FANCC: variants seen among roughly 807,000 people sequenced by gnomAD.
FANCC encodes FA complementation group C.
Under a neutral mutation model 71.3 loss-of-function variants are expected in FANCC, and 55 were observed. The ratio of observed to expected loss-of-function variants is 0.77; its 90% CI spans 0.62 to 0.97. The LOEUF is 0.97. Among genes scored for constraint, FANCC ranks in the 50% least tolerant of loss-of-function variants. FANCC has a pLI of 0.00. For synonymous variants in FANCC, 275 were observed against 244.9 expected (o/e 1.12, Z -1.15); for missense variants, 678 against 670.9 (o/e 1.01, Z -0.12).
chr9:95,177,305 CT>C (rs1195935873), intron 4 of FANCC, among the ~76,000 whole-genome samples: 1 of 152,104 alleles, frequency 6.6e-6, no homozygotes, highest in Non-Finnish European at 1.5e-5. Flanking sequence ...TGGTATAACA[CT>C]GAAAAAATGG....
intron 6 of FANCC, among the ~76,000 whole-genome samples, chr9:95,155,949 C>T (rs993339698): frequency 2.0e-5 from 3 of 146,960 alleles, no homozygotes; most frequent in Non-Finnish European, 3.0e-5. Flanking sequence ...TGGTCTCAAA[C>T]TCCTGGGTTC....
intron 4 of FANCC, among the ~76,000 whole-genome samples, chr9:95,238,849 C>T (rs929904286): frequency 5.9e-5 from 9 of 152,122 alleles, no homozygotes; most frequent in South Asian, 2.1e-4. Context: ...TGAGCCACCG[C>T]GCCCAGGCAT....
chr9:95,279,731 T>C (rs1226169038), intron 1 of FANCC, among the ~76,000 whole-genome samples: 2 of 152,064 alleles, frequency 1.3e-5, no homozygotes, highest in South Asian at 2.1e-4. Flanking sequence ...GTGGATCACT[T>C]GAGGTCAAGA....
At chr9:95,117,691 C>T (rs1360667086) in intron 10 of FANCC, among the ~76,000 whole-genome samples, 1 of 151,028 alleles carries the variant, frequency 6.6e-6, no homozygotes, top group Non-Finnish European at 1.5e-5. Flanking sequence ...AAAGACTTGC[C>T]AAAGCCGTTG....
chr9:95,110,393 T>C (rs1205389203), intron 13 of FANCC: 4 of 1,024,038 alleles, frequency 3.9e-6, no homozygotes, highest in Non-Finnish European at 4.7e-6. Flanking sequence ...CCGTACATCT[T>C]ATTACTGTTA....
chr9:95,161,640 C>T (rs1391619562), intron 6 of FANCC, among the ~76,000 whole-genome samples: 2 of 152,260 alleles, frequency 1.3e-5, no homozygotes, highest in Non-Finnish European at 1.5e-5. Context: ...GTGAAAAACA[C>T]ATTAACATAC....
intron 4 of FANCC, among the ~76,000 whole-genome samples, chr9:95,195,272 T>C (rs571467290): frequency 6.9e-6 from 1 of 144,682 alleles, no homozygotes; most frequent in Non-Finnish European, 1.5e-5. Flanking sequence ...AAAAGTTTTA[T>C]AGTTTTACAT....
chr9:95,169,532 T>G (rs1461507435), intron 6 of FANCC, among the ~76,000 whole-genome samples: 1 of 152,230 alleles, frequency 6.6e-6, no homozygotes, highest in Admixed American at 6.5e-5. Flanking sequence ...GAATGTTGGA[T>G]GCACATTCCA....
intron 4 of FANCC, among the ~76,000 whole-genome samples, chr9:95,217,664 TAAAG>T (rs71366280): frequency 0.18 from 27,285 of 151,752 alleles, 2,876 homozygotes; most frequent in East Asian, 0.35. Context: ...ATGGTGTAAA[TAAAG>T]AAAGGTCTCT....
chr9:95,148,099 TCAC>T (rs1829804952), intron 7 of FANCC, among the ~76,000 whole-genome samples: 1 of 152,172 alleles, frequency 6.6e-6, no homozygotes, highest in Non-Finnish European at 1.5e-5. Context: ...ACGCTACTCT[TCAC>T]CACCACACAC....
intron 9 of FANCC, among the ~76,000 whole-genome samples, chr9:95,126,019 T>C (rs1355105474): frequency 6.6e-6 from 1 of 152,250 alleles, no homozygotes; most frequent in Non-Finnish European, 1.5e-5. Flanking sequence ...GTAAATCTAA[T>C]GCATTTCCCA....
chr9:95,145,936 A>C (rs1418305526), intron 7 of FANCC, among the ~76,000 whole-genome samples: 1 of 152,172 alleles, frequency 6.6e-6, no homozygotes, highest in East Asian at 1.9e-4. Flanking sequence ...CATAAACCAA[A>C]GGCAATGTGT....
chr9:95,235,422 T>C (rs1416268154), intron 4 of FANCC, among the ~76,000 whole-genome samples: 1 of 152,214 alleles, frequency 6.6e-6, no homozygotes, highest in Non-Finnish European at 1.5e-5. Context: ...ATGGACTACT[T>C]ACCACCTTAC....
At chr9:95,271,927 C>CTTTGTTTTTTTTTTT (rs1832751179) in intron 1 of FANCC, among the ~76,000 whole-genome samples, 1 of 50,480 alleles carries the variant, frequency 2.0e-5, no homozygotes, top group East Asian at 6.6e-4. Context: ...CAAGCCTCTT[C>CTTTGTTTTTTTTTTT]TTTTTTTTTT....
At chr9:95,289,436 G>C (rs1022866835) in intron 1 of FANCC, among the ~76,000 whole-genome samples, 1 of 152,076 alleles carries the variant, frequency 6.6e-6, no homozygotes, top group Admixed American at 6.6e-5. Flanking sequence ...ATAGTATATA[G>C]AAATCATACC....
chr9:95,194,790 C>G (rs534174499), intron 4 of FANCC, among the ~76,000 whole-genome samples: 308 of 152,322 alleles, frequency 2.0e-3, no homozygotes, highest in African/African-American at 7.2e-3. Context: ...TCCTCCCAGT[C>G]TGCCATTGTC....
At chr9:95,110,428 A>G (rs1285602725) in intron 13 of FANCC, 1 of 1,026,746 alleles carries the variant, frequency 9.7e-7, no homozygotes, top group Non-Finnish European at 1.2e-6. Flanking sequence ...GATTTTCCTT[A>G]GCTTAACGTG....
chr9:95,125,367 TTTTCTTTA>T lies in FANCC; in HGVS notation c.897-190_897-183del, dbSNP rs1825819671. On this transcript the variant is annotated intron_variant, in intron 9 of 14. Transcript: ENST00000289081. The stretch of plus-strand genomic sequence containing the variant: ...GATAAATTTGTCGCTCCCTGTTATA[TTTTCTTTA>T]AAATTGCAACGTGCAGAGCTCTCTT... 2.0e-5 allele frequency among the ~76,000 whole-genome samples: 3 copies of T among 152,264 alleles called. No individual in the cohort carries two copies. The South Asian group carries it at 6.2e-4, about 32-fold the overall frequency.
intron 4 of FANCC, among the ~76,000 whole-genome samples, chr9:95,199,409 C>T (rs1369622235): frequency 6.6e-6 from 1 of 152,110 alleles, no homozygotes; most frequent in Admixed American, 6.6e-5. Context: ...GCGTTCTGCT[C>T]ACCTCCTACA....
Sources: allele counts gnomAD v4.1 joint callset (sites outside exome capture counted in the v4.1 genomes callset), GRCh38; gene constraint gnomAD v4.1.1; transcripts MANE v1.5; gene names NCBI Gene and HGNC (gene_info 2026-07-23, HGNC 2026-07-21).